Variants in MMP28 observed in about 807,000 individuals in gnomAD.
MMP28 encodes matrix metalloproteinase-28.
In MMP28, 55 loss-of-function variants were observed where a neutral mutation model predicts 60.5. The observed-to-expected ratio is 0.91, with a 90% CI of 0.73 to 1.14. The LOEUF is 1.14. Among genes scored for constraint, MMP28 ranks in the 50% most tolerant of loss-of-function variants. The probability of loss-of-function intolerance (pLI) is 0.00; values close to 1 mark genes in which losing one functional copy is unlikely to be tolerated. For missense variants in MMP28, 686 were observed against 738.3 expected, an observed-to-expected ratio of 0.93 and a Z score of 0.82; for synonymous variants, 318 against 312.5, an observed-to-expected ratio of 1.02 and a Z score of -0.18.
downstream of MMP28, among the ~76,000 whole-genome samples, chr17:35,762,024 C>G (rs1598405872): frequency 6.6e-6 from 1 of 151,830 alleles, no homozygotes; most frequent in Non-Finnish European, 1.5e-5. Context: ...GAGTTTTGCT[C>G]TTGTTGCTCA....
At chr17:35,759,574 G>A (rs890170147) in intron 2 of MMP28, among the ~76,000 whole-genome samples, 11 of 152,042 alleles carry the variant, frequency 7.2e-5, no homozygotes, top group Non-Finnish European at 1.2e-4. Context: ...GGTGACACGC[G>A]CCTGTAGTCC....
At chr17:35,764,478 C>G, downstream of MMP28, 1 of 1,568,632 alleles carries the variant, frequency 6.4e-7, no homozygotes. Flanking sequence ...GCGACGACCG[C>G]CGCGCCGCGG....
chr17:35,759,820 C>T (rs1002347829), intron 2 of MMP28, among the ~76,000 whole-genome samples: 1 of 151,900 alleles, frequency 6.6e-6, no homozygotes, highest in Non-Finnish European at 1.5e-5. Flanking sequence ...CATAGGACAC[C>T]GAAGCAAGGG....
chr17:35,777,144 A>T (rs1555607829), intron 3 of MMP28, among the ~76,000 whole-genome samples: 1 of 152,198 alleles, frequency 6.6e-6, no homozygotes, highest in African/African-American at 2.4e-5. Flanking sequence ...TATGTCTCGG[A>T]TGAAGGAACG....
intron 1 of MMP28, among the ~76,000 whole-genome samples, chr17:35,782,439 T>C (rs371939169): frequency 5.3e-5 from 8 of 152,328 alleles, no homozygotes; most frequent in South Asian, 2.1e-4. Context: ...TGAAGCTAGA[T>C]ACTAAGACCA....
chr17:35,771,710 T>C (rs1254427056), intron 4 of MMP28, among the ~76,000 whole-genome samples: 4 of 28,894 alleles, frequency 1.4e-4, no homozygotes, highest in Non-Finnish European at 2.0e-4. Context: ...TATATATATA[T>C]ATATATATAT....
intron 7 of MMP28, chr17:35,767,131 G>T: frequency 1.4e-6 from 1 of 701,630 alleles, no homozygotes. Context: ...AGATAGCCCC[G>T]AAAGGAAGGC....
intron 1 of MMP28, 46 bp downstream of exon 1, chr17:35,795,221 G>T (rs2143673475): frequency 7.7e-7 from 1 of 1,293,740 alleles, no homozygotes; most frequent in Non-Finnish European, 1.0e-6. Context: ...AGTTCTGACA[G>T]GTCTCAAGCA....
intron 1 of MMP28, among the ~76,000 whole-genome samples, chr17:35,795,019 C>A (rs2086926363): frequency 6.6e-6 from 1 of 152,238 alleles, no homozygotes; most frequent in African/African-American, 2.4e-5. Flanking sequence ...TGGGCTCTTG[C>A]CCGTCTGTCC....
chr17:35,760,902 A>G, downstream of MMP28: 6 of 1,612,494 alleles, frequency 3.7e-6, no homozygotes, highest in Non-Finnish European at 5.1e-6. Context: ...CTCACATCCC[A>G]GTCTCTGATC....
chr17:35,785,608 C>T lies in MMP28; in HGVS notation c.112-6285G>A, dbSNP rs190969422. Among the ~76,000 whole-genome samples the T allele has an allele frequency of 6.3e-3, 964 of 152,150 alleles. 5 individuals are homozygous for T. Among genetic ancestry groups the T allele is most frequent in the Non-Finnish European group, 0.011 (725 of 68,010 alleles). ...GACTACAGGCGCCCACCACCATGCC[C>T]GGCTAATTTTTTGCATTTTTAGTAG... On this transcript the variant is annotated intron_variant, in intron 1 of 7. Transcript: ENST00000605424.
chr17:35,779,343 C>G lies in MMP28; in HGVS notation c.112-20G>C, dbSNP rs2086432514. On this transcript the variant is annotated intron_variant, in intron 1 of 7. Transcript: ENST00000605424. ...GAATGCCTGCGGGAGAGAGGAATAT[C>G]TGCTTTTTCCATAGCATCCTTTCCC... 1.3e-6 allele frequency: 2 copies of G among 1,599,182 alleles called. No homozygotes were observed. The highest frequency in any genetic ancestry group is 2.7e-5 in the African/African-American group (2 of 74,672).
intron 2 of MMP28, 75 bp from the exon 3 acceptor site, chr17:35,779,150 G>C: frequency 6.4e-7 from 1 of 1,572,532 alleles, no homozygotes; most frequent in South Asian, 1.1e-5. Flanking sequence ...TCCCTGGGGT[G>C]TAGCCAGCCA....
intron 3 of MMP28, among the ~76,000 whole-genome samples, chr17:35,776,020 A>G (rs2086316109): frequency 6.7e-6 from 1 of 149,826 alleles, no homozygotes; most frequent in East Asian, 2.0e-4. Context: ...GACTACAGGC[A>G]CCCCCCACCA....
At chr17:35,770,913 G>A (rs371459323) in intron 4 of MMP28, among the ~76,000 whole-genome samples, 1 of 152,088 alleles carries the variant, frequency 6.6e-6, no homozygotes, top group East Asian at 1.9e-4. Flanking sequence ...TTAGCTAGGC[G>A]TGATGGTGTG....
chr17:35,785,756 G>T (rs892653544), intron 1 of MMP28, among the ~76,000 whole-genome samples: 4 of 151,948 alleles, frequency 2.6e-5, no homozygotes, highest in Admixed American at 1.3e-4. Context: ...CAGGAGATTA[G>T]ATTATTAGAG....
intron 1 of MMP28, among the ~76,000 whole-genome samples, chr17:35,786,908 T>G (rs1425391335): frequency 6.6e-6 from 1 of 151,970 alleles, no homozygotes; most frequent in African/African-American, 2.4e-5. Context: ...ATGAGGAAAT[T>G]AAGTCTCAGG....
At chr17:35,770,968 CTT>C (rs1054759409) in intron 4 of MMP28, among the ~76,000 whole-genome samples, 10 of 152,092 alleles carry the variant, frequency 6.6e-5, no homozygotes, top group Middle Eastern at 6.3e-3. Flanking sequence ...GGGAGGCTCT[CTT>C]GAGTCCCAGG....
chr17:35,795,436 C>G lies in MMP28; in HGVS notation c.-59G>C. ...CTACTGCGCGCAGGGAACCAGCCGG[C>G]AGTCAGCCGCGCCCGGGACCCCGGG... On this transcript the variant is annotated 5_prime_UTR_variant, in exon 1 of 8. Transcript: ENST00000605424. The G allele has an allele frequency of 8.0e-7, 1 of 1,254,904 alleles. No homozygotes were observed. The highest frequency in any genetic ancestry group is 1.0e-6 in the Non-Finnish European group (1 of 970,894). 77.7% of individuals were successfully genotyped at this position (1,254,904 alleles called of 1,614,324 possible). A position where few individuals can be genotyped will look rare whatever the true frequency, so the allele number is the denominator to read the frequency against.
Sources: allele counts gnomAD v4.1 joint callset (sites outside exome capture counted in the v4.1 genomes callset), GRCh38; gene constraint gnomAD v4.1.1; transcripts MANE v1.5; gene names NCBI Gene and HGNC (gene_info 2026-07-23, HGNC 2026-07-21).